Variants in ENTREP2 observed in about 807,000 individuals in gnomAD.
ENTREP2 encodes protein ENTREP2.
the ENTREP2 span, among the ~76,000 whole-genome samples, chr15:29,361,221 A>G: frequency 1.3e-5 from 2 of 152,194 alleles, no homozygotes; most frequent in African/African-American, 4.8e-5. Flanking sequence ...TGGAAGCAGC[A>G]TGACACAATG....
At chr15:29,656,590 G>T in the ENTREP2 span, among the ~76,000 whole-genome samples, 1 of 152,144 alleles carries the variant, frequency 6.6e-6, no homozygotes, top group Non-Finnish European at 1.5e-5. Flanking sequence ...ACAGCAAATG[G>T]AAAGATGCTC....
At chr15:29,179,615 C>G in the ENTREP2 span, among the ~76,000 whole-genome samples, 11 of 149,110 alleles carry the variant, frequency 7.4e-5, no homozygotes, top group South Asian at 1.8e-3. Context: ...GAGTCTCGCT[C>G]TGTTGCCCAG....
At chr15:29,158,850 A>G in the ENTREP2 span, among the ~76,000 whole-genome samples, 1 of 151,942 alleles carries the variant, frequency 6.6e-6, no homozygotes, top group African/African-American at 2.4e-5. Context: ...TGATGTATAG[A>G]ACAAAAACAA....
At chr15:29,645,018 A>G in the ENTREP2 span, among the ~76,000 whole-genome samples, 2 of 152,156 alleles carry the variant, frequency 1.3e-5, no homozygotes, top group Non-Finnish European at 2.9e-5. Flanking sequence ...GGAATTAAAG[A>G]CCAGACTGGG....
At chr15:29,670,371 C>A in the ENTREP2 span, among the ~76,000 whole-genome samples, 1 of 152,128 alleles carries the variant, frequency 6.6e-6, no homozygotes, top group Admixed American at 6.5e-5. Flanking sequence ...GTGGTTCCAG[C>A]GGTGATTCCC....
chr15:29,616,793 G>A, the ENTREP2 span, among the ~76,000 whole-genome samples: 1 of 152,114 alleles, frequency 6.6e-6, no homozygotes, highest in Non-Finnish European at 1.5e-5. Context: ...GAAATTTAGG[G>A]GCTGGGCATG....
the ENTREP2 span, among the ~76,000 whole-genome samples, chr15:29,297,098 T>C: frequency 6.6e-6 from 1 of 152,058 alleles, no homozygotes; most frequent in Admixed American, 6.6e-5. Context: ...ATAAATGAAC[T>C]AACTACCTGC....
the ENTREP2 span, among the ~76,000 whole-genome samples, chr15:29,488,417 G>A: frequency 3.3e-5 from 5 of 152,224 alleles, no homozygotes; most frequent in East Asian, 7.7e-4. Flanking sequence ...TAACAGGTAT[G>A]AAATGCCATC....
chr15:29,511,919 T>C, the ENTREP2 span, among the ~76,000 whole-genome samples: 1 of 151,220 alleles, frequency 6.6e-6, no homozygotes, highest in Non-Finnish European at 1.5e-5. Flanking sequence ...CTGGCAGTGT[T>C]GAAATGTGAA....
At chr15:29,484,022 C>T in the ENTREP2 span, among the ~76,000 whole-genome samples, 53 of 152,320 alleles carry the variant, frequency 3.5e-4, no homozygotes, top group African/African-American at 1.2e-3. Context: ...AGGATACACG[C>T]TGCATGCACA....
the ENTREP2 span, among the ~76,000 whole-genome samples, chr15:29,459,605 T>C: frequency 2.0e-5 from 3 of 152,160 alleles, no homozygotes; most frequent in Non-Finnish European, 4.4e-5. Flanking sequence ...AGAGACTAAC[T>C]ACACTGACAT....
chr15:29,564,402 T>C, the ENTREP2 span, among the ~76,000 whole-genome samples: 1 of 152,194 alleles, frequency 6.6e-6, no homozygotes, highest in East Asian at 1.9e-4. Context: ...ATCTCCACCA[T>C]CTGAACCTAT....
chr15:29,298,371 G>C, the ENTREP2 span, among the ~76,000 whole-genome samples: 1 of 151,700 alleles, frequency 6.6e-6, no homozygotes, highest in South Asian at 2.1e-4. Flanking sequence ...AGAAAAAAAA[G>C]GAATAATAAA....
chr15:29,229,459 A>G, the ENTREP2 span, among the ~76,000 whole-genome samples: 1 of 152,206 alleles, frequency 6.6e-6, no homozygotes, highest in Non-Finnish European at 1.5e-5. Flanking sequence ...GCTTATGGAA[A>G]GAGACATACC....
the ENTREP2 span, among the ~76,000 whole-genome samples, chr15:29,284,497 C>A: frequency 1.4e-5 from 2 of 145,854 alleles, no homozygotes; most frequent in Non-Finnish European, 3.0e-5. Flanking sequence ...GCAGAGGTTG[C>A]AGTGAGTAAA....
chr15:29,410,810 G>A, the ENTREP2 span, among the ~76,000 whole-genome samples: 1 of 152,146 alleles, frequency 6.6e-6, no homozygotes, highest in Non-Finnish European at 1.5e-5. Context: ...TTTTGAGATG[G>A]AGTCTTGCTC....
chr15:29,636,109 G>T, the ENTREP2 span, among the ~76,000 whole-genome samples: 4 of 152,174 alleles, frequency 2.6e-5, no homozygotes, highest in Non-Finnish European at 5.9e-5. Context: ...GCTAAAGCAG[G>T]CCCTCTTTGC....
At chr15:29,405,982 C>T in the ENTREP2 span, among the ~76,000 whole-genome samples, 1 of 152,194 alleles carries the variant, frequency 6.6e-6, no homozygotes, top group East Asian at 1.9e-4. Context: ...AATAATGAAA[C>T]CATCTACATT....
chr15:29,179,747 A>ATT, the ENTREP2 span, among the ~76,000 whole-genome samples: 1 of 149,108 alleles, frequency 6.7e-6, no homozygotes, highest in South Asian at 2.1e-4. Flanking sequence ...CGCCCGGCTA[A>ATT]TTTTTTTTTT....
Sources: gnomAD v4.1 joint callset for allele counts (sites outside exome capture counted in the v4.1 genomes callset) on GRCh38, gnomAD v4.1.1 for gene constraint, MANE v1.5 for transcripts, NCBI Gene and HGNC (gene_info 2026-07-23, HGNC 2026-07-21) for gene names.